CDH1: variants seen among roughly 807,000 people sequenced by gnomAD.
CDH1 encodes cadherin 1.
CDH1 carries 35 observed loss-of-function variants against 84.5 expected under a neutral mutation model. The ratio of observed to expected loss-of-function variants is 0.41; its 90% CI spans 0.32 to 0.55. The LOEUF is 0.55. CDH1 is among the 20% of genes least tolerant of loss of function. The probability of loss-of-function intolerance (pLI) is 0.19; values close to 1 mark genes in which losing one functional copy is unlikely to be tolerated. For synonymous variants in CDH1, 417 were observed against 439.0 expected, an observed-to-expected ratio of 0.95 and a Z score of 0.63; for missense variants, 994 against 1,126.6, an observed-to-expected ratio of 0.88 and a Z score of 1.68.
At chr16:68,773,708 C>G (rs563478180) in intron 2 of CDH1, among the ~76,000 whole-genome samples, 15 of 152,318 alleles carry the variant, frequency 9.8e-5, no homozygotes, top group African/African-American at 2.9e-4. Context: ...GTAAAGTAAA[C>G]TGAGGCTCTG....
At chr16:68,795,335 C>CT (rs909140154) in intron 2 of CDH1, among the ~76,000 whole-genome samples, 20 of 151,494 alleles carry the variant, frequency 1.3e-4, no homozygotes, top group African/African-American at 4.4e-4. Context: ...AGTTAGATTT[C>CT]TTTTTTTTTA....
intron 2 of CDH1, among the ~76,000 whole-genome samples, chr16:68,768,768 A>G (rs1959459376): frequency 6.6e-6 from 1 of 152,298 alleles, no homozygotes; most frequent in South Asian, 2.1e-4. Context: ...TTTTGTATAC[A>G]TCCTCCTAGA....
chr16:68,738,593 G>C (rs1962469036), intron 2 of CDH1, among the ~76,000 whole-genome samples, 182 bp downstream of exon 2: 1 of 152,174 alleles, frequency 6.6e-6, no homozygotes, highest in African/African-American at 2.4e-5. Context: ...TGTGGTGGAG[G>C]GGGTAACCCT....
intron 2 of CDH1, among the ~76,000 whole-genome samples, chr16:68,760,156 A>G (rs1028498911): frequency 2.7e-5 from 4 of 145,886 alleles, no homozygotes; most frequent in Non-Finnish European, 6.0e-5. Flanking sequence ...CTAGAGTGCA[A>G]TGGTGCGCTC....
At chr16:68,804,824 C>CTTTTTTTTTTTTTTT (rs5817653) in intron 3 of CDH1, among the ~76,000 whole-genome samples, 3 of 69,668 alleles carry the variant, frequency 4.3e-5, no homozygotes, top group African/African-American at 2.0e-4. Flanking sequence ...GTAACAAAAT[C>CTTTTTTTTTTTTTTT]TTTTTTTTTT....
intron 2 of CDH1, among the ~76,000 whole-genome samples, chr16:68,740,305 A>G (rs2862231): frequency 0.81 from 122,492 of 152,030 alleles, 50,103 homozygotes; most frequent in Non-Finnish European, 0.89. Context: ...TTTGGAAGTC[A>G]TTCGAAGTTT....
In CDH1 at chr16:68,808,466, A is replaced by G. The variant is rs1460999478; in HGVS notation, c.430A>G (p.Asn144Asp). The change falls in exon 4 of 16, where the codon AAC (asparagine) becomes GAC (aspartate). Residue 144 changes from asparagine (N) to aspartate (D), a missense_variant. Around this residue, in one of 3 missense-constraint regions of CDH1, gnomAD observed 203 missense variants for 194.0 expected, o/e 1.05. Coordinates refer to ENST00000261769, the MANE Select transcript of CDH1 (RefSeq NM_004360.5). ...GIQAELLTFP[N>D]SSPGLRRQKR... ...CCAAGCAGAATTGCTCACATTTCCC[A>G]ACTCCTCTCCTGGCCTCAGAAGACA... 6.2e-7 allele frequency: 1 copy of G among 1,613,240 alleles called. No individual in the cohort carries two copies. The highest frequency in any genetic ancestry group is 2.2e-5 in the East Asian group (1 of 44,878).
chr16:68,777,014 G>A (rs758929481), intron 2 of CDH1, among the ~76,000 whole-genome samples: 5 of 152,132 alleles, frequency 3.3e-5, no homozygotes, highest in Non-Finnish European at 5.9e-5. Flanking sequence ...TGTAACCACC[G>A]TGCAGTCCCA....
intron 9 of CDH1, among the ~76,000 whole-genome samples, chr16:68,813,747 G>A (rs1320358051): frequency 1.3e-5 from 2 of 152,120 alleles, no homozygotes; most frequent in African/African-American, 4.8e-5. Flanking sequence ...CAGATCACGA[G>A]GTCAGGAGTT....
chr16:68,800,825 T>C (rs1232879802), intron 2 of CDH1, among the ~76,000 whole-genome samples: 2 of 152,190 alleles, frequency 1.3e-5, no homozygotes, highest in Non-Finnish European at 2.9e-5. Context: ...CTGCCACTCT[T>C]ATATCACCCT....
intron 2 of CDH1, among the ~76,000 whole-genome samples, chr16:68,751,114 A>G (rs1177855294): frequency 6.6e-6 from 1 of 152,072 alleles, no homozygotes; most frequent in Non-Finnish European, 1.5e-5. Context: ...TCTTTTCTCC[A>G]TCCATCAGTC....
At chr16:68,800,789 A>G (rs375881716) in intron 2 of CDH1, among the ~76,000 whole-genome samples, 1 of 152,174 alleles carries the variant, frequency 6.6e-6, no homozygotes, top group African/African-American at 2.4e-5. Flanking sequence ...AATAGATGTT[A>G]CATCTTCAGC....
rs1960784619 is a variant in CDH1, at chr16:68,810,300, A to T, written c.791A>T (p.Gln264Leu). ...DQNDNKPEFT[Q>L]EVFKGSVMEG... ...AATGACAACAAGCCCGAATTCACCC[A>T]GGAGGTCTTTAAGGGGTCTGTCATG... The change falls in exon 6 of 16, where the codon CAG becomes CTG. Residue 264 changes from glutamine (Q) to leucine (L), a missense_variant. Gln to Leu is a moderately radical substitution (Grantham distance 113, BLOSUM62 -2). Coordinates refer to ENST00000261769, the MANE Select transcript of CDH1 (RefSeq NM_004360.5). 1 of 1,614,008 alleles carries T rather than the reference A, an allele frequency of 6.2e-7. No homozygotes were observed. Among genetic ancestry groups the T allele is most frequent in the East Asian group, 2.2e-5 (1 of 44,896 alleles).
At chr16:68,751,531 C>A (rs539642794) in intron 2 of CDH1, among the ~76,000 whole-genome samples, 249 of 148,918 alleles carry the variant, frequency 1.7e-3, no homozygotes, top group African/African-American at 5.6e-3. Context: ...GAGACGGAGT[C>A]TCACTCTGTC....
At chr16:68,752,416 G>A (rs1962909172) in intron 2 of CDH1, among the ~76,000 whole-genome samples, 1 of 152,164 alleles carries the variant, frequency 6.6e-6, no homozygotes, top group Non-Finnish European at 1.5e-5. Context: ...AGGAGGCCAG[G>A]GATTTTTAAT....
chr16:68,803,592 C>T (rs951258332), intron 3 of CDH1, among the ~76,000 whole-genome samples: 8 of 152,048 alleles, frequency 5.3e-5, no homozygotes, highest in Non-Finnish European at 1.0e-4. Context: ...AGATGGGTTT[C>T]ATCATGTTGG....
chr16:68,787,357 G>C (rs1960082588), intron 2 of CDH1, among the ~76,000 whole-genome samples: 1 of 152,176 alleles, frequency 6.6e-6, no homozygotes, highest in Admixed American at 6.5e-5. Flanking sequence ...TTTCGCCTCA[G>C]TTGCTCATCA....
intron 2 of CDH1, among the ~76,000 whole-genome samples, chr16:68,794,685 C>CTTTT (rs34110311): frequency 2.5e-4 from 32 of 126,440 alleles, no homozygotes; most frequent in African/African-American, 8.9e-4. Context: ...GCCGGGCTAA[C>CTTTT]TTTTTTTTTT....
intron 2 of CDH1, among the ~76,000 whole-genome samples, chr16:68,789,114 C>G (rs183955035): frequency 6.6e-6 from 1 of 152,152 alleles, no homozygotes; most frequent in Non-Finnish European, 1.5e-5. Context: ...GCCTTGACGT[C>G]CCCAGCTCAA....
Sources: gnomAD v4.1 joint callset for allele counts (sites outside exome capture counted in the v4.1 genomes callset) on GRCh38, gnomAD v4.1.1 for gene constraint, gnomAD v4.1.1 regional missense constraint, MANE v1.5 for transcripts, NCBI Gene and HGNC (gene_info 2026-07-23, HGNC 2026-07-21) for gene names.